The following ARHGEF26 variants were observed in gnomAD, a reference collection of about 807,000 sequenced individuals.
ARHGEF26 encodes Rho guanine nucleotide exchange factor (GEF) 26.
A neutral mutation model predicts 89.4 loss-of-function variants in ARHGEF26; 59 were observed. The observed-to-expected ratio is 0.66, with a 90% CI of 0.54 to 0.82. The LOEUF (loss-of-function observed/expected upper bound fraction) is 0.82, where lower values mean the gene tolerates loss of function less well. ARHGEF26 is among the 40% of genes least tolerant of loss of function. The probability of loss-of-function intolerance (pLI) is 0.00; values close to 1 mark genes in which losing one functional copy is unlikely to be tolerated. For synonymous variants in ARHGEF26, 500 were observed against 428.4 expected (o/e 1.17, Z -2.06); for missense variants, 1,234 against 1,085.6 (o/e 1.14, Z -1.92).
At chr3:154,195,129 A>G (rs1182294565) in intron 9 of ARHGEF26, among the ~76,000 whole-genome samples, 1 of 152,156 alleles carries the variant, frequency 6.6e-6, no homozygotes, top group South Asian at 2.1e-4. Flanking sequence ...AGTTACAATG[A>G]AGGGTAGTGG....
chr3:154,253,205 C>A (rs1361230520), intron 13 of ARHGEF26, 22 bp downstream of exon 13: 2 of 1,613,712 alleles, frequency 1.2e-6, no homozygotes, highest in Non-Finnish European at 1.7e-6. Flanking sequence ...CAAGGGGAAG[C>A]CCACTTGGGA....
At chr3:154,217,083 A>G (rs1238462916) in intron 9 of ARHGEF26, among the ~76,000 whole-genome samples, 1 of 151,656 alleles carries the variant, frequency 6.6e-6, no homozygotes, top group East Asian at 1.9e-4. Flanking sequence ...TGAAATTTCT[A>G]GTTCTAGATC....
intron 10 of ARHGEF26, among the ~76,000 whole-genome samples, chr3:154,221,170 T>C (rs1484225256): frequency 6.7e-6 from 1 of 150,272 alleles, no homozygotes; most frequent in African/African-American, 2.4e-5. Flanking sequence ...CACTAGAAAG[T>C]TGCAAATTAG....
chr3:154,247,260 G>A (rs910789534), intron 12 of ARHGEF26, among the ~76,000 whole-genome samples: 2 of 151,996 alleles, frequency 1.3e-5, no homozygotes, highest in African/African-American at 2.4e-5. Flanking sequence ...GGCTTTCCCC[G>A]ACACACACAT....
chr3:154,168,738 T>C (rs2108133751), intron 6 of ARHGEF26, among the ~76,000 whole-genome samples: 1 of 152,334 alleles, frequency 6.6e-6, no homozygotes, highest in African/African-American at 2.4e-5. Flanking sequence ...CATTTCCTTA[T>C]GTAGATACAG....
chr3:154,255,924 CCTTTTTTTTT>C lies in ARHGEF26; in HGVS notation c.*460_*469del. The C allele has an allele frequency of 1.0e-6, 1 of 987,458 alleles. No homozygotes were observed. Among genetic ancestry groups the C allele is most frequent in the Non-Finnish European group, 1.2e-6 (1 of 831,262 alleles). 61.2% of individuals were successfully genotyped at this position (987,458 alleles called of 1,614,324 possible). On this transcript the variant is annotated 3_prime_UTR_variant, in exon 15 of 15. Coordinates refer to ENST00000465093, the MANE Select transcript of ARHGEF26 (RefSeq NM_015595.4). ...GTCCAGTTTTGTAAATATTTCCCTG[CCTTTTTTTTT>C]CTTTTTTTACATCTGATTTTAATGC...
intron 13 of ARHGEF26, among the ~76,000 whole-genome samples, chr3:154,253,445 C>T (rs1334497020): frequency 6.6e-6 from 1 of 152,130 alleles, no homozygotes; most frequent in Non-Finnish European, 1.5e-5. Context: ...ATCTGCAAGT[C>T]AGTTACACCA....
chr3:154,122,060 T>C lies in ARHGEF26; in HGVS notation c.68T>C (p.Ile23Thr). The stretch of plus-strand genomic sequence containing the variant: ...ACCCCTTTGTGGCGGAGGCGGTCGA[T>C]TCCTCAGCCCCACCAGGTTCTGGGC... ...SITPLWRRRS[I>T]PQPHQVLGRS... Residue 23 changes from isoleucine to threonine, a missense_variant, in exon 2 of 15, where the codon ATT (isoleucine) becomes ACT (threonine). Transcript: ENST00000465093. 1.2e-6 allele frequency: 2 copies of C among 1,612,124 alleles called. No individual in the cohort carries two copies. Among genetic ancestry groups the C allele is most frequent in the South Asian group, 2.2e-5 (2 of 90,948 alleles).
At chr3:154,153,190 T>C (rs1408227151) in intron 6 of ARHGEF26, among the ~76,000 whole-genome samples, 1 of 152,180 alleles carries the variant, frequency 6.6e-6, no homozygotes, top group East Asian at 1.9e-4. Flanking sequence ...TCTTTACTTC[T>C]GATTACATCA....
chr3:154,249,436 G>A (rs948761652), intron 12 of ARHGEF26, among the ~76,000 whole-genome samples: 1 of 152,208 alleles, frequency 6.6e-6, no homozygotes, highest in Non-Finnish European at 1.5e-5. Context: ...TGCCATGCAT[G>A]GAGAACTTGA....
chr3:154,147,803 C>T (rs1263670920), intron 4 of ARHGEF26, among the ~76,000 whole-genome samples: 4 of 151,888 alleles, frequency 2.6e-5, no homozygotes, highest in African/African-American at 9.7e-5. Flanking sequence ...TCCTTTCTTC[C>T]TCCCTCCCTT....
At chr3:154,141,122 C>T (rs935654809) in intron 4 of ARHGEF26, among the ~76,000 whole-genome samples, 15 of 151,980 alleles carry the variant, frequency 9.9e-5, no homozygotes, top group African/African-American at 3.4e-4. Flanking sequence ...CCACCTTGCC[C>T]GGCTGATTTT....
chr3:154,233,394 C>T (rs1020724892), intron 11 of ARHGEF26, among the ~76,000 whole-genome samples: 7 of 152,118 alleles, frequency 4.6e-5, no homozygotes, highest in Admixed American at 2.6e-4. Context: ...TTTAAACACA[C>T]GATCAAGTGC....
chr3:154,226,260 A>G (rs188147625), intron 11 of ARHGEF26, among the ~76,000 whole-genome samples: 9 of 152,338 alleles, frequency 5.9e-5, no homozygotes, highest in Middle Eastern at 3.4e-3. Flanking sequence ...ACACATTTAT[A>G]TCATTCAATT....
chr3:154,215,260 C>T (rs527422329), intron 9 of ARHGEF26, among the ~76,000 whole-genome samples: 4 of 152,218 alleles, frequency 2.6e-5, no homozygotes, highest in East Asian at 1.9e-4. Context: ...CTCTGTGAAC[C>T]ATCTTATCAT....
At chr3:154,152,574 T>A (rs1385902220) in intron 5 of ARHGEF26, among the ~76,000 whole-genome samples, 198 bp from the exon 6 acceptor site, 1 of 152,188 alleles carries the variant, frequency 6.6e-6, no homozygotes, top group Non-Finnish European at 1.5e-5. Flanking sequence ...GTGATTATTT[T>A]TTAAGATTTG....
intron 6 of ARHGEF26, among the ~76,000 whole-genome samples, chr3:154,159,939 C>A (rs1476233545): frequency 6.6e-6 from 1 of 152,084 alleles, no homozygotes; most frequent in African/African-American, 2.4e-5. Context: ...ATGGCTGTTG[C>A]TATTTTTGTT....
In ARHGEF26 at chr3:154,217,849, T is replaced by C. The variant is rs1056898858; in HGVS notation, c.1846-20T>C. On this transcript the variant is annotated intron_variant, in intron 9 of 14. Coordinates refer to ENST00000465093, the MANE Select transcript of ARHGEF26 (RefSeq NM_015595.4). ...TTCTCTCCTTGACCTTTAACCCTCG[T>C]TACTCTTCTGTGTTCCCAGTTGGTT... The C allele has an allele frequency of 1.9e-6, 3 of 1,574,364 alleles. No homozygotes were observed. The highest frequency in any genetic ancestry group is 3.3e-4 in the Middle Eastern group (2 of 6,018).
intron 6 of ARHGEF26, among the ~76,000 whole-genome samples, chr3:154,179,243 A>C (rs1713031018): frequency 6.6e-6 from 1 of 152,194 alleles, no homozygotes; most frequent in African/African-American, 2.4e-5. Context: ...AAGTTCAGAG[A>C]GTTTGTGATT....
Sources: allele counts gnomAD v4.1 joint callset (sites outside exome capture counted in the v4.1 genomes callset), GRCh38; gene constraint gnomAD v4.1.1; transcripts MANE v1.5; gene names NCBI Gene and HGNC (gene_info 2026-07-23, HGNC 2026-07-21).